The following GALNT17 variants were observed in gnomAD, a reference collection of about 807,000 sequenced individuals.
GALNT17 encodes UDP-GalNAc:polypeptide N-acetylgalactosaminyltransferase-like 3.
Under a neutral mutation model 63.7 loss-of-function variants are expected in GALNT17, and 29 were observed. The observed-to-expected ratio is 0.46, with a 90% confidence interval of 0.34 to 0.62. The LOEUF is 0.62. Ranked by LOEUF, GALNT17 falls within the 20% of genes least tolerant of loss-of-function variation. GALNT17 has a pLI of 0.01. For missense variants in GALNT17, 603 were observed against 799.6 expected (o/e 0.75, Z 2.97); for synonymous variants, 305 against 318.3 (o/e 0.96, Z 0.45).
At chr7:71,495,878 A>G (rs1260084175) in intron 5 of GALNT17, among the ~76,000 whole-genome samples, 3 of 152,182 alleles carry the variant, frequency 2.0e-5, no homozygotes, top group Non-Finnish European at 4.4e-5. Flanking sequence ...AAAAATGGGA[A>G]GTCCAGGGAT....
intron 2 of GALNT17, among the ~76,000 whole-genome samples, chr7:71,362,733 C>T (rs371288151): frequency 6.6e-6 from 1 of 152,036 alleles, no homozygotes; most frequent in African/African-American, 2.4e-5. Flanking sequence ...TATATTTTTA[C>T]GGGAAACGCT....
At chr7:71,481,169 G>A (rs113892538) in intron 5 of GALNT17, among the ~76,000 whole-genome samples, 2 of 152,256 alleles carry the variant, frequency 1.3e-5, no homozygotes, top group East Asian at 1.9e-4. Context: ...GGTGTGGGCC[G>A]GGCACAGTGG....
At chr7:71,345,026 T>TG (rs35171163) in intron 2 of GALNT17, among the ~76,000 whole-genome samples, 52,573 of 151,926 alleles carry the variant, frequency 0.35, 9,517 homozygotes, top group East Asian at 0.48. Flanking sequence ...CCACAGGACA[T>TG]AATCTGTCTG....
chr7:71,640,347 G>T (rs1790586384), intron 6 of GALNT17, among the ~76,000 whole-genome samples: 1 of 151,762 alleles, frequency 6.6e-6, no homozygotes, highest in African/African-American at 2.4e-5. Context: ...ATGATGGCTG[G>T]CCATAGCTCC....
intron 8 of GALNT17, among the ~76,000 whole-genome samples, chr7:71,673,861 C>T (rs1791107627): frequency 6.6e-6 from 1 of 152,230 alleles, no homozygotes; most frequent in African/African-American, 2.4e-5. Flanking sequence ...TCAAGCAATT[C>T]TCCCACTTCC....
intron 9 of GALNT17, among the ~76,000 whole-genome samples, chr7:71,679,241 G>A (rs1047470640): frequency 5.3e-5 from 8 of 151,844 alleles, no homozygotes; most frequent in East Asian, 1.9e-4. Flanking sequence ...CAAGACCCCC[G>A]CCTCTACAAA....
rs574296704 is a variant in GALNT17, at chr7:71,136,814, TCTCA to T, written c.238+3778_238+3781del. 1.7e-3 allele frequency among the ~76,000 whole-genome samples: 257 copies of T among 149,144 alleles called. 1 individual carries two copies. Among genetic ancestry groups the T allele is most frequent in the African/African-American group, 6.0e-3 (244 of 40,418 alleles). ...GGCTTCTTTTTTTTTTGAGTCAGAG[TCTCA>T]CTCTGTCACTCAGGCTGGAGTGCAG... On this transcript the variant is annotated intron_variant, in intron 1 of 10. Coordinates refer to ENST00000333538, the MANE Select transcript of GALNT17 (RefSeq NM_022479.3).
chr7:71,665,280 C>T (rs1375817841), intron 6 of GALNT17, 131 bp from the exon 7 acceptor site: 1 of 968,858 alleles, frequency 1.0e-6, no homozygotes, highest in Non-Finnish European at 1.5e-6. Context: ...CACAACCTCT[C>T]ATTGGCTTTA....
intron 5 of GALNT17, among the ~76,000 whole-genome samples, chr7:71,543,861 A>G (rs988938646): frequency 2.7e-5 from 4 of 146,358 alleles, no homozygotes; most frequent in Admixed American, 7.0e-5. Context: ...GGCATGATCT[A>G]GGCTCACTGC....
chr7:71,174,323 C>T (rs931919079), intron 1 of GALNT17, among the ~76,000 whole-genome samples: 12 of 152,092 alleles, frequency 7.9e-5, no homozygotes, highest in African/African-American at 2.7e-4. Flanking sequence ...AGGCCATGAC[C>T]GCACATTGGC....
intron 1 of GALNT17, among the ~76,000 whole-genome samples, chr7:71,210,335 G>A (rs1043453713): frequency 6.6e-6 from 1 of 152,066 alleles, no homozygotes; most frequent in African/African-American, 2.4e-5. Flanking sequence ...AGCCAAACCG[G>A]ATCATTGCCC....
intron 6 of GALNT17, among the ~76,000 whole-genome samples, chr7:71,597,640 G>A (rs902104374): frequency 1.3e-5 from 2 of 152,188 alleles, no homozygotes; most frequent in Non-Finnish European, 2.9e-5. Flanking sequence ...GCCTAGAGGC[G>A]TTACAGTGAT....
At chr7:71,408,754 T>A (rs181260580) in intron 3 of GALNT17, among the ~76,000 whole-genome samples, 1 of 152,130 alleles carries the variant, frequency 6.6e-6, no homozygotes, top group African/African-American at 2.4e-5. Context: ...GTGCAGGTAG[T>A]TCCAGGTACT....
chr7:71,665,834 T>C (rs1276129620), intron 7 of GALNT17, among the ~76,000 whole-genome samples: 1 of 152,104 alleles, frequency 6.6e-6, no homozygotes, highest in African/African-American at 2.4e-5. Context: ...TCTTAGTGTG[T>C]TAATCCCAGT....
At chr7:71,697,190 G>A (rs1218375887) in intron 9 of GALNT17, among the ~76,000 whole-genome samples, 1 of 152,080 alleles carries the variant, frequency 6.6e-6, no homozygotes, top group Non-Finnish European at 1.5e-5. Flanking sequence ...TTAAATTGGT[G>A]GACCATGAGA....
At chr7:71,308,807 G>T (rs1222629709) in intron 1 of GALNT17, among the ~76,000 whole-genome samples, 1 of 150,144 alleles carries the variant, frequency 6.7e-6, no homozygotes, top group Non-Finnish European at 1.5e-5. Flanking sequence ...GCAGTGGCAC[G>T]ATCTCAGCTC....
chr7:71,149,133 C>T (rs766157321), intron 1 of GALNT17, among the ~76,000 whole-genome samples: 1 of 151,806 alleles, frequency 6.6e-6, no homozygotes, highest in Non-Finnish European at 1.5e-5. Context: ...TTGCCCGGGA[C>T]GCTCTCAAAC....
chr7:71,266,418 T>C (rs1790493256), intron 1 of GALNT17, among the ~76,000 whole-genome samples: 1 of 152,174 alleles, frequency 6.6e-6, no homozygotes, highest in East Asian at 1.9e-4. Context: ...CACTTCCCAC[T>C]TTGCTTTCTC....
At chr7:71,138,009 A>G (rs1471736424) in intron 1 of GALNT17, among the ~76,000 whole-genome samples, 4 of 152,240 alleles carry the variant, frequency 2.6e-5, no homozygotes, top group African/African-American at 7.2e-5. Context: ...ATTATACACT[A>G]TATTCTTATA....
Sources: allele counts gnomAD v4.1 joint callset (sites outside exome capture counted in the v4.1 genomes callset), GRCh38; gene constraint gnomAD v4.1.1; transcripts MANE v1.5; gene names NCBI Gene and HGNC (gene_info 2026-07-23, HGNC 2026-07-21).